RSRP1: variants seen among roughly 807,000 people sequenced by gnomAD.
The protein encoded by RSRP1 is arginine/serine-rich protein 1.
A neutral mutation model predicts 33.0 loss-of-function variants in RSRP1; 37 were observed. That is an observed-to-expected ratio of 1.12 (90% CI 0.86 to 1.48). The LOEUF (loss-of-function observed/expected upper bound fraction) is 1.48, where lower values mean the gene tolerates loss of function less well. Among genes scored for constraint, RSRP1 ranks in the 40% most tolerant of loss-of-function variants. The probability of loss-of-function intolerance (pLI) is 0.00; values close to 1 mark genes in which losing one functional copy is unlikely to be tolerated. For synonymous variants in RSRP1, 167 were observed against 158.7 expected (o/e 1.05, Z -0.40); for missense variants, 402 against 385.3 (o/e 1.04, Z -0.36).
At chr1:25,259,983 C>T (rs1250903854) in intron 1 of RSRP1, among the ~76,000 whole-genome samples, 1 of 151,870 alleles carries the variant, frequency 6.6e-6, no homozygotes, top group East Asian at 1.9e-4. Flanking sequence ...CGACAGCTCT[C>T]TGTGCACTGA....
chr1:25,311,654 G>T (rs1411733865), intron 1 of RSRP1, among the ~76,000 whole-genome samples: 1 of 129,640 alleles, frequency 7.7e-6, no homozygotes, highest in African/African-American at 2.7e-5. Context: ...CCCATTACTG[G>T]CCCAGAGCTC....
intron 1 of RSRP1, among the ~76,000 whole-genome samples, chr1:25,262,179 C>G (rs1447384096): frequency 6.6e-6 from 1 of 152,152 alleles, no homozygotes; most frequent in East Asian, 1.9e-4. Context: ...TCTGACTAAA[C>G]CATTAGAAAT....
intron 1 of RSRP1, among the ~76,000 whole-genome samples, chr1:25,257,597 A>ATTTTTT (rs71712758): frequency 7.6e-6 from 1 of 131,234 alleles, no homozygotes; most frequent in Non-Finnish European, 1.6e-5. Flanking sequence ...GGAGATGCAG[A>ATTTTTT]TTTTTTTTTT....
chr1:25,305,344 C>G (rs1259556922), intron 1 of RSRP1, among the ~76,000 whole-genome samples: 3 of 129,792 alleles, frequency 2.3e-5, no homozygotes, highest in African/African-American at 8.0e-5. Context: ...GGTGCTCAGG[C>G]ACACTTCCTG....
Position 25,246,852 on chromosome 1 carries a change from AG to A in RSRP1, c.111del (p.Ser38LeufsTer133). ...TGGGACCGAGAGCTTCTGGAAAAAG[AG>A]CGGCTCCTAGACCGCGACGACAGCC... ...SSRLSSRSRS[R>X]SFSRSSRSHS... On this transcript the variant is annotated frameshift_variant, in exon 2 of 5. Transcript: ENST00000243189. LOFTEE classifies it high-confidence loss of function. The A allele has an allele frequency of 6.2e-7, 1 of 1,612,778 alleles. No homozygotes were observed. Among genetic ancestry groups the A allele is most frequent in the Non-Finnish European group, 8.5e-7 (1 of 1,179,652 alleles).
At position 25,266,407 on chromosome 1, in the gene RSRP1, A is replaced by G. The variant is rs1352934006; in HGVS notation, c.-66-19378T>C. Among the ~76,000 whole-genome samples, 2 of 128,666 alleles carry G rather than the reference A, an allele frequency of 1.6e-5. 1 individual carries two copies. Among genetic ancestry groups the G allele is most frequent in the Non-Finnish European group, 3.6e-5 (2 of 55,088 alleles). The allele number at this position is 128,666 out of a possible 152,430, so 84.4% of individuals were successfully genotyped here. On this transcript the variant is annotated intron_variant, in intron 1 of 1. Transcript: ENST00000561867. ...AAACTAATGTTAAGTCACTAACGGG[A>G]ATTTAAAAGGTTTCATTAAGAACTG...
At chr1:25,312,704 C>T (rs1473743144) in intron 1 of RSRP1, among the ~76,000 whole-genome samples, 1 of 126,118 alleles carries the variant, frequency 7.9e-6, no homozygotes, top group Non-Finnish European at 1.9e-5. Flanking sequence ...GAGCTATGGT[C>T]GTGCCACTGC....
Position 25,295,866 on chromosome 1 carries a change from T to G in RSRP1, c.-67+42112A>C, listed in dbSNP as rs1270744006. Among the ~76,000 whole-genome samples the G allele has an allele frequency of 3.5e-4, 37 of 105,128 alleles. 6 individuals are homozygous for G. Among genetic ancestry groups the G allele is most frequent in the Admixed American group, 1.1e-3 (12 of 11,352 alleles). 69.0% of individuals were successfully genotyped at this position (105,128 alleles called of 152,430 possible). ...ATATGGGAAATTTTTTTTTTTTTTT[T>G]TTTTTTTTTTTTTGAGATGGAGTTT... On this transcript the variant is annotated intron_variant, in intron 1 of 1. Transcript: ENST00000561867.
chr1:25,257,984 C>A (rs1571537687), intron 1 of RSRP1, among the ~76,000 whole-genome samples: 2 of 152,126 alleles, frequency 1.3e-5, no homozygotes, highest in African/African-American at 4.8e-5. Flanking sequence ...GCAGGATCCT[C>A]ATTCATCAGA....
In RSRP1 at chr1:25,306,445, G is replaced by A. The variant is rs1300550733; in HGVS notation, c.-67+31533C>T. On this transcript the variant is annotated intron_variant, in intron 1 of 1. Transcript: ENST00000561867. Reference sequence around the variant, plus strand: ...TTCAACAAACTCCCCGATGATGTGAGTGCACATTCAAGTCTGAGAAGGGCT... The same window carrying A: ...TTCAACAAACTCCCCGATGATGTGAATGCACATTCAAGTCTGAGAAGGGCT... 89 of 765,886 alleles carry A rather than the reference G, an allele frequency of 1.2e-4. 15 individuals carry two copies. Among genetic ancestry groups the A allele is most frequent in the Non-Finnish European group, 1.9e-4 (83 of 444,318 alleles). The allele number at this position is 765,886 out of a possible 1,614,324, so 47.4% of individuals were successfully genotyped here. A position where few individuals can be genotyped will look rare whatever the true frequency, so the allele number is the denominator to read the frequency against.
chr1:25,243,380 A>G (rs1639049184), intron 4 of RSRP1, among the ~76,000 whole-genome samples, 170 bp downstream of exon 4: 2 of 152,228 alleles, frequency 1.3e-5, no homozygotes, highest in Admixed American at 6.5e-5. Context: ...ATATATTACA[A>G]ACCCATTATA....
chr1:25,306,461 G>C lies in RSRP1; in HGVS notation c.-67+31517C>G. On this transcript the variant is annotated intron_variant, in intron 1 of 1. Coordinates refer to the RSRP1 transcript ENST00000561867. ...ATGATGTGAGTGCACATTCAAGTCTGAGAAGGGCTTCTTTGAGGTGAGCCT... is the reference window on the plus strand; with the variant it reads ...ATGATGTGAGTGCACATTCAAGTCTCAGAAGGGCTTCTTTGAGGTGAGCCT... 2 of 877,450 alleles carry C rather than the reference G, an allele frequency of 2.3e-6. 1 individual carries two copies. Among genetic ancestry groups the C allele is most frequent in the Non-Finnish European group, 3.7e-6 (2 of 537,376 alleles). 54.4% of individuals were successfully genotyped at this position (877,450 alleles called of 1,614,324 possible). A position where few individuals can be genotyped will look rare whatever the true frequency, so the allele number is the denominator to read the frequency against.
Position 25,256,147 on chromosome 1 carries a change from C to CTT in RSRP1, c.-66-9120_-66-9119dup, listed in dbSNP as rs58871827. On this transcript the variant is annotated intron_variant, in intron 1 of 1. Coordinates refer to the RSRP1 transcript ENST00000561867. ...TTTCCTGGAAGTCTTCTATCCGGATCTTTTTTTTTTTTTTTTTTTAAGAGA... is the reference window on the plus strand; with the variant it reads ...TTTCCTGGAAGTCTTCTATCCGGATCTTTTTTTTTTTTTTTTTTTTTAAGAGA... Among the ~76,000 whole-genome samples, 135 of 132,998 alleles carry CTT rather than the reference C, an allele frequency of 1.0e-3. 1 individual carries two copies. Among genetic ancestry groups the CTT allele is most frequent in the Non-Finnish European group, 1.6e-3 (99 of 60,908 alleles). 87.3% of individuals were successfully genotyped at this position (132,998 alleles called of 152,430 possible). A position where few individuals can be genotyped will look rare whatever the true frequency, so the allele number is the denominator to read the frequency against.
chr1:25,247,995 G>A (rs1442897542), upstream of RSRP1: 1 of 152,320 alleles, frequency 6.6e-6, no homozygotes, highest in Admixed American at 6.5e-5. Flanking sequence ...CCTAGGTACC[G>A]CGGCGCCAGG....
In RSRP1 at chr1:25,290,141, A is replaced by G. The variant is rs1022197533; in HGVS notation, c.-66-43112T>C. The stretch of plus-strand genomic sequence containing the variant: ...GGAAGCCGGGCTTGTCCTGATTCCA[A>G]ATCCAGTTTCTTTCCACTGCCACGG... On this transcript the variant is annotated intron_variant, in intron 1 of 1. Coordinates refer to the RSRP1 transcript ENST00000561867. Among the ~76,000 whole-genome samples the G allele has an allele frequency of 4.6e-5, 6 of 129,252 alleles. 1 individual carries two copies. The highest frequency in any genetic ancestry group is 9.1e-5 in the Non-Finnish European group (5 of 55,084). The allele number at this position is 129,252 out of a possible 152,430, so 84.8% of individuals were successfully genotyped here. A position where few individuals can be genotyped will look rare whatever the true frequency, so the allele number is the denominator to read the frequency against.
chr1:25,303,508 G>A, intron 1 of RSRP1: 1 of 1,367,154 alleles, frequency 7.3e-7, no homozygotes, highest in Non-Finnish European at 1.0e-6. Flanking sequence ...AAGGCCAGCA[G>A]GACGCTGGGA....
At chr1:25,256,932 T>A (rs1264041083) in intron 1 of RSRP1, among the ~76,000 whole-genome samples, 1 of 152,240 alleles carries the variant, frequency 6.6e-6, no homozygotes, top group Non-Finnish European at 1.5e-5. Flanking sequence ...TTCCTCAGTC[T>A]ATTAGACTGG....
intron 1 of RSRP1, among the ~76,000 whole-genome samples, chr1:25,307,216 G>C (rs567998537): frequency 7.6e-6 from 1 of 132,290 alleles, no homozygotes; most frequent in South Asian, 2.3e-4. Flanking sequence ...GACATGCTAA[G>C]CACAACCCAT....
chr1:25,286,705 G>A (rs1229855829), intron 1 of RSRP1, among the ~76,000 whole-genome samples: 4 of 133,734 alleles, frequency 3.0e-5, no homozygotes, highest in African/African-American at 1.0e-4. Flanking sequence ...AGAATGGCGT[G>A]AACCCGGGAG....
Sources: allele counts gnomAD v4.1 joint callset (sites outside exome capture counted in the v4.1 genomes callset), GRCh38; gene constraint gnomAD v4.1.1; transcripts MANE v1.5; gene names NCBI Gene and HGNC (gene_info 2026-07-23, HGNC 2026-07-21).